The following RHOT1 variants were observed in gnomAD, a reference collection of about 807,000 sequenced individuals.
The protein encoded by RHOT1 is mitochondrial Rho GTPase 1.
Under a neutral mutation model 95.3 loss-of-function variants are expected in RHOT1, and 27 were observed. The observed-to-expected ratio is 0.28, with a 90% CI of 0.21 to 0.39. The LOEUF is 0.39. RHOT1 is among the 10% of genes least tolerant of loss of function. The probability of loss-of-function intolerance (pLI) is 1.00; values close to 1 mark genes in which losing one functional copy is unlikely to be tolerated. For synonymous variants in RHOT1, 227 were observed against 263.5 expected (o/e 0.86, Z 1.34); for missense variants, 578 against 786.7 (o/e 0.73, Z 3.17).
At position 32,210,989 on chromosome 17, in the gene RHOT1, T is replaced by C. The variant is rs1598453911; in HGVS notation, c.1740-127T>C. 6 of 842,680 alleles carry C rather than the reference T, an allele frequency of 7.1e-6. No homozygotes were observed. In the East Asian group the frequency reaches 1.3e-4, roughly 18 times the overall value. The allele number at this position is 842,680 out of a possible 1,614,324, so 52.2% of individuals were successfully genotyped here. On this transcript the variant is annotated intron_variant, in intron 18 of 19. Coordinates refer to ENST00000545287, the MANE Select transcript of RHOT1 (RefSeq NM_001033566.3). ...TGCACAACTTTAGCATGCCCCATACTGTCCTTTTCCTTTCTACAAAGAGTG... is the reference window on the plus strand; with the variant it reads ...TGCACAACTTTAGCATGCCCCATACCGTCCTTTTCCTTTCTACAAAGAGTG...
intron 1 of RHOT1, among the ~76,000 whole-genome samples, chr17:32,156,929 C>G (rs1214819008): frequency 1.3e-5 from 2 of 152,222 alleles, no homozygotes; most frequent in East Asian, 3.8e-4. Flanking sequence ...GATTAATCCT[C>G]TTAACAATTC....
chr17:32,191,528 A>G (rs1379477571), intron 8 of RHOT1, among the ~76,000 whole-genome samples: 2 of 152,214 alleles, frequency 1.3e-5, no homozygotes, highest in Non-Finnish European at 1.5e-5. Flanking sequence ...AAATAGTCAT[A>G]TATTTATTCT....
At chr17:32,203,256 T>A (rs1291678190) in intron 15 of RHOT1, among the ~76,000 whole-genome samples, 1 of 129,162 alleles carries the variant, frequency 7.7e-6, no homozygotes, top group East Asian at 2.1e-4. Context: ...ATATTTCTTT[T>A]CTTCTTCTTC....
intron 6 of RHOT1, among the ~76,000 whole-genome samples, chr17:32,177,414 T>C (rs73286147): frequency 0.011 from 1,716 of 152,248 alleles, 32 homozygotes; most frequent in African/African-American, 0.039. Context: ...TCCTAATATC[T>C]GCTTTTCTTG....
intron 1 of RHOT1, 131 bp downstream of exon 1, chr17:32,142,860 G>C: frequency 1.2e-6 from 1 of 839,490 alleles, no homozygotes; most frequent in Non-Finnish European, 2.0e-6. Flanking sequence ...AGCTCCGCTC[G>C]CCTTTCTCCG....
At chr17:32,173,998 A>G in intron 3 of RHOT1, 86 bp downstream of exon 3, 1 of 934,132 alleles carries the variant, frequency 1.1e-6, no homozygotes, top group Non-Finnish European at 1.7e-6. Context: ...ACAAATGTTC[A>G]GAGAGGTGGT....
At chr17:32,210,004 C>A (rs1192057358) in intron 18 of RHOT1, among the ~76,000 whole-genome samples, 1 of 148,494 alleles carries the variant, frequency 6.7e-6, no homozygotes, top group Non-Finnish European at 1.5e-5. Context: ...TTTTTTAATT[C>A]TTGTTTTTCT....
At chr17:32,150,902 G>A in intron 1 of RHOT1, 1 of 1,548,058 alleles carries the variant, frequency 6.5e-7, no homozygotes, top group Non-Finnish European at 8.8e-7. Context: ...GATGTTCTGG[G>A]GGAGGTGGGC....
chr17:32,144,870 G>A (rs2031067618), intron 1 of RHOT1, among the ~76,000 whole-genome samples: 1 of 151,616 alleles, frequency 6.6e-6, no homozygotes, highest in Non-Finnish European at 1.5e-5. Context: ...GTGTGCACCT[G>A]TAGTCCTAGC....
At position 32,149,721 on chromosome 17, in the gene RHOT1, A is replaced by G. The variant is rs1417852385; in HGVS notation, c.37+6992A>G. 4.8e-5 allele frequency among the ~76,000 whole-genome samples: 7 copies of G among 145,242 alleles called. No homozygotes were observed. In the East Asian group the frequency reaches 1.4e-3, roughly 28 times the overall value. On this transcript the variant is annotated intron_variant, in intron 1 of 19. Transcript: ENST00000545287. ...CATATATATACACACATACACATATATATACACATATATATACACACACAC... is the reference window on the plus strand; with the variant it reads ...CATATATATACACACATACACATATGTATACACATATATATACACACACAC...
intron 9 of RHOT1, among the ~76,000 whole-genome samples, chr17:32,192,664 CTTTTTTTTT>C (rs992979598): frequency 3.1e-5 from 4 of 129,194 alleles, no homozygotes; most frequent in Non-Finnish European, 6.7e-5. Context: ...ACATGTTTTA[CTTTTTTTTT>C]TTTTTTTTTT....
chr17:32,194,828 CTTTTTTT>C (rs11357987), intron 11 of RHOT1, among the ~76,000 whole-genome samples: 6 of 125,272 alleles, frequency 4.8e-5, no homozygotes, highest in African/African-American at 1.5e-4. Context: ...CTTTTTCTTT[CTTTTTTT>C]TTTTTTTTTT....
At chr17:32,163,959 A>G (rs2033808029) in intron 1 of RHOT1, among the ~76,000 whole-genome samples, 1 of 151,874 alleles carries the variant, frequency 6.6e-6, no homozygotes, top group South Asian at 2.1e-4. Flanking sequence ...GATCGAGACC[A>G]TCCTGGCCAA....
At position 32,224,826 on chromosome 17, in the gene RHOT1, C is replaced by T; in HGVS notation, c.*93C>T. On this transcript the variant is annotated 3_prime_UTR_variant, in exon 20 of 20. Coordinates refer to ENST00000545287, the MANE Select transcript of RHOT1 (RefSeq NM_001033566.3). ...TGCTAGAATTATTGAGATATTTATA[C>T]ATGCAGAGTTACTTTATTAATATTT... is the stretch of plus-strand genomic sequence containing the variant. 1 of 707,264 alleles carries T rather than the reference C, an allele frequency of 1.4e-6. No homozygotes were observed. Among genetic ancestry groups the T allele is most frequent in the Non-Finnish European group, 2.4e-6 (1 of 417,406 alleles). The allele number at this position is 707,264 out of a possible 1,614,324, so 43.8% of individuals were successfully genotyped here.
intron 8 of RHOT1, among the ~76,000 whole-genome samples, chr17:32,191,420 A>G (rs1037157227): frequency 1.3e-5 from 2 of 152,216 alleles, no homozygotes; most frequent in Non-Finnish European, 2.9e-5. Context: ...AAGCTTAGAC[A>G]AAAGTCAGAG....
At chr17:32,195,887 G>A (rs1245314926) in intron 11 of RHOT1, among the ~76,000 whole-genome samples, 2 of 152,104 alleles carry the variant, frequency 1.3e-5, no homozygotes, top group East Asian at 3.8e-4. Flanking sequence ...TGTCATTTAT[G>A]TGAATAGATG....
chr17:32,149,321 TTTAA>T (rs765279758), intron 1 of RHOT1, among the ~76,000 whole-genome samples: 298 of 151,400 alleles, frequency 2.0e-3, no homozygotes, highest in Non-Finnish European at 3.6e-3. Context: ...AAATATGAAG[TTTAA>T]TTAGTGTAAT....
chr17:32,206,116 T>C (rs1317387148), intron 16 of RHOT1, among the ~76,000 whole-genome samples: 1 of 151,534 alleles, frequency 6.6e-6, no homozygotes, highest in Non-Finnish European at 1.5e-5. Flanking sequence ...TCTCCTTATC[T>C]GCAGAATGTA....
At chr17:32,161,143 G>A (rs57862800) in intron 1 of RHOT1, among the ~76,000 whole-genome samples, 2 of 152,148 alleles carry the variant, frequency 1.3e-5, no homozygotes, top group Non-Finnish European at 2.9e-5. Flanking sequence ...AATGTATCAC[G>A]CAAATTAGTC....
Sources: allele counts gnomAD v4.1 joint callset (sites outside exome capture counted in the v4.1 genomes callset), GRCh38; gene constraint gnomAD v4.1.1; transcripts MANE v1.5; gene names NCBI Gene and HGNC (gene_info 2026-07-23, HGNC 2026-07-21).